Variants in SHISA7 observed in about 807,000 individuals in gnomAD.
SHISA7 encodes protein shisa-7.
In SHISA7, 6 loss-of-function variants were observed where a neutral mutation model predicts 23.9. That is an observed-to-expected ratio of 0.25 (90% CI 0.14 to 0.50). The LOEUF is 0.50. Ranked by LOEUF, SHISA7 falls within the 20% of genes least tolerant of loss-of-function variation. SHISA7 has a pLI of 0.98. For missense variants in SHISA7, 671 were observed against 801.1 expected, an observed-to-expected ratio of 0.84 and a Z score of 1.96; for synonymous variants, 386 against 398.3, an observed-to-expected ratio of 0.97 and a Z score of 0.37.
chr19:55,440,010 T>C lies in SHISA7; in HGVS notation c.826+601A>G, dbSNP rs976671964. ...ATGATATACAATATTAAATATGATA[T>C]ATCATATTTTAAATATATAATTATA... is the stretch of plus-strand genomic sequence containing the variant. On this transcript the variant is annotated intron_variant, in intron 2 of 3. Coordinates refer to ENST00000376325, the MANE Select transcript of SHISA7 (RefSeq NM_001145176.2). 6.0e-5 allele frequency among the ~76,000 whole-genome samples: 9 copies of C among 150,282 alleles called. No individual in the cohort carries two copies. In the East Asian group the frequency reaches 1.7e-3, roughly 29 times the overall value.
chr19:55,442,198 C>T lies in SHISA7; in HGVS notation c.666G>A (p.Val222=). 1 of 1,533,386 alleles carries T rather than the reference C, an allele frequency of 6.5e-7. No individual in the cohort carries two copies. Among genetic ancestry groups the T allele is most frequent in the Non-Finnish European group, 8.7e-7 (1 of 1,145,432 alleles). 95.0% of individuals were successfully genotyped at this position (1,533,386 alleles called of 1,614,324 possible). A position where few individuals can be genotyped will look rare whatever the true frequency, so the allele number is the denominator to read the frequency against. Residue 222 remains valine, a synonymous_variant, in exon 1 of 4, where the codon GTG becomes GTA. Transcript: ENST00000376325. ...CCGCCCGAGAGCACACGCACCTGGG[C>T]ACGTTGATATCCCGGTGCGCCCGGG... is the stretch of plus-strand genomic sequence containing the variant. The part of the protein sequence containing the change: ...RAPRAHRDIN[V]PRALVDILRH...
chr19:55,434,427 G>T (rs1985315381), intron 3 of SHISA7, among the ~76,000 whole-genome samples: 1 of 139,966 alleles, frequency 7.1e-6, no homozygotes, highest in Non-Finnish European at 1.5e-5. Flanking sequence ...TGTGTATGGT[G>T]TGTGTGTGGT....
At position 55,433,745 on chromosome 19, in the gene SHISA7, G is replaced by C. The variant is rs922997853; in HGVS notation, c.1028C>G (p.Pro343Arg). ...CGCGTGCAGGGGCAGCGTGCCGCGG[G>C]GCAATTCCAGGGGCCGGCGCTTCAG... is the stretch of plus-strand genomic sequence containing the variant. ...AYLKRRPLEL[P>R]RGTLPLHALR... The change falls in exon 4 of 4, where the codon CCC becomes CGC. Residue 343 changes from proline to arginine, a missense_variant. By Grantham distance (103) the Pro-to-Arg change is moderately radical (BLOSUM62 -2). Coordinates refer to ENST00000376325, the MANE Select transcript of SHISA7 (RefSeq NM_001145176.2). This position sits in a 1 kb window ranked among gnomAD's most constrained non-coding sequence, Gnocchi z 8.4. 27 of 1,457,404 alleles carry C rather than the reference G, an allele frequency of 1.9e-5. No homozygotes were observed. Among genetic ancestry groups the C allele is most frequent in the Non-Finnish European group, 2.4e-5 (27 of 1,114,888 alleles). 90.3% of individuals were successfully genotyped at this position (1,457,404 alleles called of 1,614,324 possible).
At chr19:55,438,244 C>T (rs1046355466) in intron 2 of SHISA7, among the ~76,000 whole-genome samples, 1 of 152,204 alleles carries the variant, frequency 6.6e-6, no homozygotes, top group Non-Finnish European at 1.5e-5. Flanking sequence ...CTCTTCTCAC[C>T]CCAGCCCCTC....
chr19:55,435,366 T>TATATGTG (rs1985428148), intron 3 of SHISA7, among the ~76,000 whole-genome samples: 1 of 98,514 alleles, frequency 1.0e-5, no homozygotes, highest in South Asian at 3.6e-4. Context: ...GTGTGTGTGG[T>TATATGTG]GTGTGTGTGG....
At chr19:55,439,212 G>T (rs1444544830) in intron 2 of SHISA7, among the ~76,000 whole-genome samples, 1 of 152,208 alleles carries the variant, frequency 6.6e-6, no homozygotes, top group African/African-American at 2.4e-5. Flanking sequence ...AAGCCGCACT[G>T]CTCTCTCCAG....
rs750094244 is a variant in SHISA7 at position 55,433,675 on chromosome 19, C to G, written c.1098G>C (p.Trp366Cys). 3.9e-4 allele frequency: 573 copies of G among 1,485,206 alleles called. 4 individuals are homozygous for G. The highest frequency in any genetic ancestry group is 1.4e-4 in the Admixed American group (6 of 43,278). The allele number at this position is 1,485,206 out of a possible 1,614,324, so 92.0% of individuals were successfully genotyped here. ...GTGGGYRMEAWGGPEELGLAP... is the reference protein window; with the variant it reads ...GTGGGYRMEACGGPEELGLAP... Reference sequence around the variant, plus strand: ...CCAGGCCCAGCTCCTCTGGGCCGCCCCAGGCCTCCATGCGATAGCCGCCCC... The same window carrying G: ...CCAGGCCCAGCTCCTCTGGGCCGCCGCAGGCCTCCATGCGATAGCCGCCCC... The change falls in exon 4 of 4, where the codon TGG becomes TGC. Residue 366 changes from tryptophan (W) to cysteine (C), a missense_variant. Around this residue, in one of 5 missense-constraint regions of SHISA7, gnomAD observed 457 missense variants for 488.3 expected, o/e 0.94. Coordinates refer to ENST00000376325, the MANE Select transcript of SHISA7 (RefSeq NM_001145176.2). The surrounding 1 kb of genome is among the most constrained non-coding windows in gnomAD (Gnocchi z 8.4).
At chr19:55,434,529 GGTGT>G (rs550533179) in intron 3 of SHISA7, among the ~76,000 whole-genome samples, 5 of 129,938 alleles carry the variant, frequency 3.8e-5, no homozygotes, top group Non-Finnish European at 8.1e-5. Context: ...GTGGTTGTGT[GGTGT>G]GTGTGTGGTT....
chr19:55,434,628 T>G (rs1985339801), intron 3 of SHISA7, among the ~76,000 whole-genome samples: 3 of 86,116 alleles, frequency 3.5e-5, no homozygotes, highest in African/African-American at 4.6e-5. Flanking sequence ...CGTGTGTGTG[T>G]GGTGTGTGTG....
intron 1 of SHISA7, 90 bp downstream of exon 1, chr19:55,442,103 T>A (rs368056686): frequency 7.8e-6 from 10 of 1,288,252 alleles, no homozygotes; most frequent in Non-Finnish European, 1.0e-5. Flanking sequence ...CCACGCCCTA[T>A]CCCTGCAGCC....
chr19:55,438,879 CCT>C (rs1308941988), intron 2 of SHISA7, among the ~76,000 whole-genome samples: 3 of 137,958 alleles, frequency 2.2e-5, no homozygotes, highest in African/African-American at 8.2e-5. Flanking sequence ...CACCCCCCCC[CCT>C]GGTGCCCAGG....
chr19:55,442,868 C>A lies in SHISA7; in HGVS notation c.-5G>T, dbSNP rs1247632197. On this transcript the variant is annotated 5_prime_UTR_variant, in exon 1 of 4. Coordinates refer to ENST00000376325, the MANE Select transcript of SHISA7 (RefSeq NM_001145176.2). The stretch of plus-strand genomic sequence containing the variant: ...GAGGAGCAGGAGGGCCGGCATGGGG[C>A]TTGCAGGGGGTCGCACTGGGCCGCC... The A allele has an allele frequency of 2.9e-6, 4 of 1,363,848 alleles. No homozygotes were observed. The African/African-American group carries it at 4.6e-5, about 16-fold the overall frequency. 84.5% of individuals were successfully genotyped at this position (1,363,848 alleles called of 1,614,324 possible). A position where few individuals can be genotyped will look rare whatever the true frequency, so the allele number is the denominator to read the frequency against.
At position 55,438,667 on chromosome 19, in the gene SHISA7, T is replaced by G. The variant is rs192797910; in HGVS notation, c.827-913A>C. 4.2e-5 allele frequency: 54 copies of G among 1,294,752 alleles called. No individual in the cohort carries two copies. The East Asian group carries it at 2.7e-3, about 64-fold the overall frequency. The allele number at this position is 1,294,752 out of a possible 1,614,324, so 80.2% of individuals were successfully genotyped here. On this transcript the variant is annotated intron_variant, in intron 2 of 3. Transcript: ENST00000376325. ...AGGGAGATGATGTCACTGCCATCAC[T>G]GACTCCCAGCTGGCACCGTGGCCCT...
In SHISA7 at chr19:55,438,830, G is replaced by A. The variant is rs118109731; in HGVS notation, c.827-1076C>T. ...CTTGAAGGTGGAAAGTGTGGGCACA[G>A]GCTCAGGGCTGGGTAAGTGGTCTGT... On this transcript the variant is annotated intron_variant, in intron 2 of 3. Coordinates refer to ENST00000376325, the MANE Select transcript of SHISA7 (RefSeq NM_001145176.2). Among the ~76,000 whole-genome samples, 43 of 151,788 alleles carry A rather than the reference G, an allele frequency of 2.8e-4. No individual in the cohort carries two copies. In the East Asian group the frequency reaches 8.4e-3, roughly 30 times the overall value.
In SHISA7 at chr19:55,433,712, C is replaced by A; in HGVS notation, c.1061G>T (p.Arg354Leu). 6.8e-7 allele frequency: 1 copy of A among 1,476,520 alleles called. No individual in the cohort carries two copies. The highest frequency in any genetic ancestry group is 8.9e-7 in the Non-Finnish European group (1 of 1,121,728). 91.5% of individuals were successfully genotyped at this position (1,476,520 alleles called of 1,614,324 possible). A position where few individuals can be genotyped will look rare whatever the true frequency, so the allele number is the denominator to read the frequency against. Residue 354 changes from arginine (R) to leucine (L), a missense_variant, in exon 4 of 4, where the codon CGG becomes CTG. Coordinates refer to ENST00000376325, the MANE Select transcript of SHISA7 (RefSeq NM_001145176.2). The surrounding 1 kb of genome is among the most constrained non-coding windows in gnomAD (Gnocchi z 8.4). Reference protein sequence around the residue: ...RGTLPLHALRRPGTGGGYRME... With the variant: ...RGTLPLHALRLPGTGGGYRME... ...GCGATAGCCGCCCCCCGTGCCCGGC[C>A]GCCGCAGCGCGTGCAGGGGCAGCGT... is the stretch of plus-strand genomic sequence containing the variant.
intron 3 of SHISA7, among the ~76,000 whole-genome samples, chr19:55,436,209 C>T (rs1985455338): frequency 6.6e-6 from 1 of 150,614 alleles, no homozygotes; most frequent in Admixed American, 6.6e-5. Context: ...ATCGCTTGAG[C>T]CCAGGAGGCA....
chr19:55,434,678 T>G (rs1377523170), intron 3 of SHISA7, among the ~76,000 whole-genome samples: 5 of 121,982 alleles, frequency 4.1e-5, no homozygotes, highest in Admixed American at 8.5e-5. Flanking sequence ...GTATGGTGTG[T>G]GGTGTGTGTG....
rs996809825 is a variant in SHISA7 at position 55,433,053 on chromosome 19, C to T, written c.*103G>A. On this transcript the variant is annotated 3_prime_UTR_variant, in exon 4 of 4. Transcript: ENST00000376325. This position sits in a 1 kb window ranked among gnomAD's most constrained non-coding sequence, Gnocchi z 8.4. Reference sequence around the variant, plus strand: ...GAGGCTTTCACTCCTGTCCAAGGGCCGATCTGGGCCCCAGGCCCCTGGCAT... The same window carrying T: ...GAGGCTTTCACTCCTGTCCAAGGGCTGATCTGGGCCCCAGGCCCCTGGCAT... 3.5e-5 allele frequency: 47 copies of T among 1,348,926 alleles called. No individual in the cohort carries two copies. Among genetic ancestry groups the T allele is most frequent in the African/African-American group, 7.7e-5 (5 of 64,542 alleles). The allele number at this position is 1,348,926 out of a possible 1,614,324, so 83.6% of individuals were successfully genotyped here. A position where few individuals can be genotyped will look rare whatever the true frequency, so the allele number is the denominator to read the frequency against.
chr19:55,433,763 C>T lies in SHISA7; in HGVS notation c.1010G>A (p.Arg337His). The change falls in exon 4 of 4, where the codon CGC becomes CAC. Residue 337 changes from arginine (R) to histidine (H), a missense_variant. Physicochemically the swap from Arg to His is conservative, Grantham distance 29. This residue lies in a region of SHISA7 where 457 missense variants were observed against 488.3 expected (regional missense o/e 0.94). Coordinates refer to ENST00000376325, the MANE Select transcript of SHISA7 (RefSeq NM_001145176.2). This position sits in a 1 kb window ranked among gnomAD's most constrained non-coding sequence, Gnocchi z 8.4. ...GCCGCGGGGCAATTCCAGGGGCCGG[C>T]GCTTCAGGTAGGCCTCGTCCAGATC... ...EKDLDEAYLK[R>H]RPLELPRGTL... is the part of the protein sequence containing the mutation. 2.1e-6 allele frequency: 3 copies of T among 1,448,426 alleles called. No individual in the cohort carries two copies. The highest frequency in any genetic ancestry group is 1.8e-6 in the Non-Finnish European group (2 of 1,110,576). The allele number at this position is 1,448,426 out of a possible 1,614,324, so 89.7% of individuals were successfully genotyped here.
Sources: allele counts gnomAD v4.1 joint callset (sites outside exome capture counted in the v4.1 genomes callset), GRCh38; gene constraint gnomAD v4.1.1; regional missense constraint gnomAD v4.1.1; non-coding constraint Gnocchi (gnomAD v3.1); transcripts MANE v1.5; gene names NCBI Gene and HGNC (gene_info 2026-07-23, HGNC 2026-07-21).